RBFOX2: variants seen among roughly 807,000 people sequenced by gnomAD.
RBFOX2 encodes the protein RNA binding protein fox-1 homolog 2.
RBFOX2 carries 10 observed loss-of-function variants against 49.1 expected under a neutral mutation model. That is an observed-to-expected ratio of 0.20 (90% CI 0.13 to 0.35). RBFOX2 has a LOEUF of 0.35. RBFOX2 is among the 10% of genes least tolerant of loss of function. The pLI is 1.00. For synonymous variants in RBFOX2, 183 were observed against 187.4 expected, an observed-to-expected ratio of 0.98 and a Z score of 0.19; for missense variants, 323 against 486.9, an observed-to-expected ratio of 0.66 and a Z score of 3.17.
At chr22:36,023,529 C>T (rs753162120) in intron 1 of RBFOX2, among the ~76,000 whole-genome samples, 2 of 152,278 alleles carry the variant, frequency 1.3e-5, no homozygotes, top group Non-Finnish European at 2.9e-5. Context: ...AAATTGTTCA[C>T]TAGAAAAGCT....
chr22:35,763,647 A>G (rs1939770889), intron 6 of RBFOX2, among the ~76,000 whole-genome samples: 1 of 152,220 alleles, frequency 6.6e-6, no homozygotes, highest in Admixed American at 6.5e-5. Flanking sequence ...AAAATTTACA[A>G]TGTATTTTCA....
intron 2 of RBFOX2, among the ~76,000 whole-genome samples, chr22:35,801,528 A>G (rs1019069680): frequency 3.9e-5 from 6 of 152,040 alleles, no homozygotes; most frequent in Admixed American, 3.9e-4. Context: ...CTCACATTTA[A>G]AATGTACACT....
At chr22:36,024,831 G>T (rs2059372519) in intron 1 of RBFOX2, among the ~76,000 whole-genome samples, 1 of 151,972 alleles carries the variant, frequency 6.6e-6, no homozygotes, top group African/African-American at 2.4e-5. Context: ...TTTTGAGACA[G>T]ATTTTCGCTC....
At position 36,028,235 on chromosome 22, in the gene RBFOX2, G is replaced by T; in HGVS notation, c.186+5C>A. 1.3e-6 allele frequency: 2 copies of T among 1,508,552 alleles called. No individual in the cohort carries two copies. The highest frequency in any genetic ancestry group is 1.8e-6 in the Non-Finnish European group (2 of 1,136,992). 93.4% of individuals were successfully genotyped at this position (1,508,552 alleles called of 1,614,324 possible). A position where few individuals can be genotyped will look rare whatever the true frequency, so the allele number is the denominator to read the frequency against. Reference sequence around the variant, plus strand: ...ATAACTGGGCGCCCCGTCCCGCGCGGTCACCTGCATCCCGCCGCCACCGTC... The same window carrying T: ...ATAACTGGGCGCCCCGTCCCGCGCGTTCACCTGCATCCCGCCGCCACCGTC... On this transcript the variant is annotated splice_donor_5th_base_variant and intron_variant, in intron 1 of 13. Coordinates refer to the RBFOX2 transcript ENST00000438146.
chr22:35,924,670 G>C (rs1221807093), intron 1 of RBFOX2, among the ~76,000 whole-genome samples: 1 of 152,186 alleles, frequency 6.6e-6, no homozygotes, highest in East Asian at 1.9e-4. Flanking sequence ...AATCCAAATG[G>C]AGTAGTCTCT....
At chr22:35,803,833 T>TGAACTGAAAAAGAGACCACC (rs1170277744) in intron 2 of RBFOX2, among the ~76,000 whole-genome samples, 1 of 150,122 alleles carries the variant, frequency 6.7e-6, no homozygotes, top group Non-Finnish European at 1.5e-5. Flanking sequence ...AAAGAAGGAG[T>TGAACTGAAAAAGAGACCACC]GAACTGAAAA....
chr22:35,817,878 T>C (rs924870851), intron 1 of RBFOX2, among the ~76,000 whole-genome samples: 1 of 152,176 alleles, frequency 6.6e-6, no homozygotes, highest in East Asian at 1.9e-4. Flanking sequence ...CAAGCTGGTA[T>C]ATGTAAATTT....
chr22:35,986,515 T>C (rs1260849540), intron 1 of RBFOX2, among the ~76,000 whole-genome samples: 1 of 152,208 alleles, frequency 6.6e-6, no homozygotes, highest in Non-Finnish European at 1.5e-5. Flanking sequence ...GTTATTTTTC[T>C]GAGAGCCAGT....
At chr22:36,028,351 C>G (rs955621377) in exon 1 of RBFOX2, 3 of 1,450,552 alleles carry the variant, frequency 2.1e-6, no homozygotes, top group Non-Finnish European at 2.7e-6. Flanking sequence ...CCAGCTCCGA[C>G]TCCCGCTTCA....
chr22:35,924,300 C>T (rs965401604), intron 1 of RBFOX2, among the ~76,000 whole-genome samples: 8 of 152,154 alleles, frequency 5.3e-5, no homozygotes, highest in East Asian at 1.9e-4. Flanking sequence ...TTATCTTAAA[C>T]GATCCTGTGA....
intron 1 of RBFOX2, among the ~76,000 whole-genome samples, chr22:35,989,843 A>C (rs2057894143): frequency 6.6e-6 from 1 of 152,118 alleles, no homozygotes; most frequent in Admixed American, 6.5e-5. Context: ...ACAATGAGGG[A>C]TGTTTAAACA....
chr22:35,968,935 C>A (rs6000048), intron 1 of RBFOX2, among the ~76,000 whole-genome samples: 5 of 152,322 alleles, frequency 3.3e-5, no homozygotes, highest in African/African-American at 1.2e-4. Flanking sequence ...TCTCCACCGG[C>A]AATCTATCCC....
chr22:35,785,144 C>T (rs983291972), intron 2 of RBFOX2, among the ~76,000 whole-genome samples: 64 of 152,086 alleles, frequency 4.2e-4, no homozygotes, highest in African/African-American at 1.3e-3. Flanking sequence ...ACTACAGGTA[C>T]GCACCATCAC....
chr22:36,015,615 A>C (rs764368277), intron 1 of RBFOX2, among the ~76,000 whole-genome samples: 1 of 152,238 alleles, frequency 6.6e-6, no homozygotes, highest in African/African-American at 2.4e-5. Context: ...TATCCCCTAG[A>C]AACTAAGAAA....
intron 2 of RBFOX2, among the ~76,000 whole-genome samples, chr22:35,793,477 C>T (rs113060403): frequency 3.9e-4 from 59 of 152,244 alleles, no homozygotes; most frequent in African/African-American, 1.3e-3. Flanking sequence ...AGAGTACAAA[C>T]GCAATAACAT....
intron 1 of RBFOX2, among the ~76,000 whole-genome samples, chr22:35,952,109 C>T (rs1438446322): frequency 6.6e-6 from 1 of 152,058 alleles, no homozygotes; most frequent in African/African-American, 2.4e-5. Flanking sequence ...CATCCCCAGC[C>T]AAAAAATCTC....
At chr22:35,899,576 A>AG (rs1168964119) in intron 1 of RBFOX2, among the ~76,000 whole-genome samples, 4 of 151,886 alleles carry the variant, frequency 2.6e-5, no homozygotes, top group African/African-American at 9.7e-5. Flanking sequence ...CAAAAAAAAA[A>AG]AAAGAAAGAA....
chr22:36,020,453 G>A (rs1390650047), intron 1 of RBFOX2, among the ~76,000 whole-genome samples: 6 of 152,154 alleles, frequency 3.9e-5, no homozygotes, highest in Admixed American at 6.5e-5. Context: ...CCATCAGAGT[G>A]AACAGGCAAC....
intron 1 of RBFOX2, among the ~76,000 whole-genome samples, chr22:36,012,993 T>C (rs1266883340): frequency 2.6e-5 from 4 of 152,158 alleles, no homozygotes; most frequent in Non-Finnish European, 5.9e-5. Context: ...CTCAAACTCC[T>C]GACCTCGTGA....
Sources: allele counts gnomAD v4.1 joint callset (sites outside exome capture counted in the v4.1 genomes callset), GRCh38; gene constraint gnomAD v4.1.1; transcripts MANE v1.5; gene names NCBI Gene and HGNC (gene_info 2026-07-23, HGNC 2026-07-21).